TDRD6: variants seen among roughly 807,000 people sequenced by gnomAD.
TDRD6 encodes the protein tudor domain containing 6.
In TDRD6, 186 loss-of-function variants were observed where a neutral mutation model predicts 157.5. The ratio of observed to expected loss-of-function variants is 1.18; its 90% CI spans 1.05 to 1.33. The LOEUF (loss-of-function observed/expected upper bound fraction) is 1.33. Among genes scored for constraint, TDRD6 ranks in the 40% most tolerant of loss-of-function variants. The pLI is 0.00. For synonymous variants in TDRD6, 1,075 were observed against 945.2 expected, an observed-to-expected ratio of 1.14 and a Z score of -2.52; for missense variants, 3,066 against 2,508.0, an observed-to-expected ratio of 1.22 and a Z score of -4.75.
chr6:46,681,593 A>G, the TDRD6 span: 1 of 470,668 alleles, frequency 2.1e-6, no homozygotes, highest in African/African-American at 2.0e-5. Flanking sequence ...GAAGATGCTT[A>G]AAGATGTCTG....
At chr6:46,685,164 G>A (rs796660279), upstream of TDRD6, among the ~76,000 whole-genome samples, 2 of 151,800 alleles carry the variant, frequency 1.3e-5, no homozygotes, top group East Asian at 1.9e-4. Flanking sequence ...TTCGAGAGTC[G>A]TTTATCTATT....
intron 2 of TDRD6, among the ~76,000 whole-genome samples, chr6:46,696,603 T>A (rs867960384): frequency 8.9e-3 from 168 of 18,894 alleles, no homozygotes; most frequent in East Asian, 0.022. Flanking sequence ...ATATATATAT[T>A]TTTTTTTTTT....
In TDRD6 at chr6:46,693,689, T is replaced by C. The variant is rs527880479; in HGVS notation, c.5561T>C (p.Ile1854Thr). 2.5e-6 allele frequency: 4 copies of C among 1,614,194 alleles called. No individual in the cohort carries two copies. The highest frequency in any genetic ancestry group is 4.5e-5 in the East Asian group (2 of 44,882). The change falls in exon 1 of 4, where the codon ATT (isoleucine) becomes ACT (threonine). Residue 1854 changes from isoleucine (I) to threonine (T), a missense_variant. By Grantham distance (89) the Ile-to-Thr change is moderately conservative (BLOSUM62 -1). Coordinates refer to ENST00000316081, the MANE Select transcript of TDRD6 (RefSeq NM_001010870.3). ...ESKEFLELESIELQNSLVVDE... is the reference protein window; with the variant it reads ...ESKEFLELESTELQNSLVVDE... ...AAAGAATTCTTAGAACTGGAATCTATTGAGTTACAGAATTCTCTGGTGGTG... is the reference window on the plus strand; with the variant it reads ...AAAGAATTCTTAGAACTGGAATCTACTGAGTTACAGAATTCTCTGGTGGTG...
Position 46,687,951 on chromosome 6 carries a change from C to A in TDRD6, c.-178C>A. On this transcript the variant is annotated 5_prime_UTR_variant, in exon 1 of 4. Coordinates refer to ENST00000316081, the MANE Select transcript of TDRD6 (RefSeq NM_001010870.3). ...GGTCTTACCAGTCCGTGGCGGGAGT[C>A]CCGGAGGACCCTCGACGGGGGAGTT... 2.0e-6 allele frequency: 2 copies of A among 1,022,256 alleles called. No individual in the cohort carries two copies. The highest frequency in any genetic ancestry group is 2.7e-6 in the Non-Finnish European group (2 of 752,650). The allele number at this position is 1,022,256 out of a possible 1,614,324, so 63.3% of individuals were successfully genotyped here.
At chr6:46,701,024 A>G (rs781503608) in intron 3 of TDRD6, 5 of 464,656 alleles carry the variant, frequency 1.1e-5, no homozygotes, top group South Asian at 8.1e-5. Flanking sequence ...GTAGGGAAAG[A>G]TCTTTACTTC....
upstream of TDRD6, among the ~76,000 whole-genome samples, chr6:46,683,794 G>A (rs1764018650): frequency 6.6e-6 from 1 of 151,918 alleles, no homozygotes; most frequent in South Asian, 2.1e-4. Flanking sequence ...TTTAAGTATA[G>A]TTCCATTTTT....
intron 3 of TDRD6, among the ~76,000 whole-genome samples, chr6:46,698,461 T>A (rs1023119121): frequency 4.6e-5 from 7 of 152,236 alleles, no homozygotes; most frequent in Non-Finnish European, 1.0e-4. Context: ...ATAATTTTTC[T>A]GTTTATATGT....
Position 46,703,687 on chromosome 6 carries a change from C to T in TDRD6, c.*1800C>T, listed in dbSNP as rs894968290. On this transcript the variant is annotated 3_prime_UTR_variant, in exon 4 of 4. Transcript: ENST00000316081. ...AGCTATATTTTTACCTCCATTTAAT[C>T]GTGTTATTCTGTTTTACTACTACAT... The T allele has an allele frequency of 2.6e-5, 4 of 152,062 alleles. No homozygotes were observed. Among genetic ancestry groups the T allele is most frequent in the East Asian group, 1.9e-4 (1 of 5,184 alleles). The allele number at this position is 152,062 out of a possible 1,614,324, so 9.4% of individuals were successfully genotyped here. A position where few individuals can be genotyped will look rare whatever the true frequency, so the allele number is the denominator to read the frequency against.
Position 46,691,711 on chromosome 6 carries a change from T to G in TDRD6, c.3583T>G (p.Leu1195Val), listed in dbSNP as rs145114649. 51 of 1,607,348 alleles carry G rather than the reference T, an allele frequency of 3.2e-5. No homozygotes were observed. Among genetic ancestry groups the G allele is most frequent in the Non-Finnish European group, 4.0e-5 (47 of 1,178,322 alleles). The stretch of plus-strand genomic sequence containing the variant: ...TATGAAGTTGCCATGTACAGAGTAT[T>G]TAAGTAAATCAGTAGGGTACAAGTT... The part of the protein sequence containing the change: ...ENMKLPCTEY[L>V]SKSVGYKLPN... Residue 1195 changes from leucine (L) to valine (V), a missense_variant, in exon 1 of 4, where the codon TTA becomes GTA. By Grantham distance (32) the Leu-to-Val change is conservative. Coordinates refer to ENST00000316081, the MANE Select transcript of TDRD6 (RefSeq NM_001010870.3).
At position 46,690,774 on chromosome 6, in the gene TDRD6, C is replaced by T. The variant is rs140368744; in HGVS notation, c.2646C>T (p.Cys882=). The stretch of plus-strand genomic sequence containing the variant: ...AGGTTAAGGCACAGGCTTTTAGGTG[C>T]AGTCTTTATAATTTAATTCAACCAG... ...FLKVKAQAFR[C]SLYNLIQPVG... Residue 882 remains cysteine (C), a synonymous_variant, in exon 1 of 4, where the codon TGC becomes TGT. Transcript: ENST00000316081. 49 of 1,613,986 alleles carry T rather than the reference C, an allele frequency of 3.0e-5. No homozygotes were observed. The highest frequency in any genetic ancestry group is 1.9e-4 in the South Asian group (17 of 91,090).
Position 46,692,470 on chromosome 6 carries a change from A to C in TDRD6, c.4342A>C (p.Arg1448=). Residue 1448 remains arginine, a synonymous_variant, in exon 1 of 4, where the codon AGA becomes CGA. Coordinates refer to ENST00000316081, the MANE Select transcript of TDRD6 (RefSeq NM_001010870.3). ...CCAACGGACCAGCGAGGCTGCAATA[A>C]GATGTGAATTTGTTAAATTTCAAGA... The part of the protein sequence containing the change: ...FSQRTSEAAI[R]CEFVKFQDRW... 5.6e-6 allele frequency: 9 copies of C among 1,613,972 alleles called. No individual in the cohort carries two copies. Among genetic ancestry groups the C allele is most frequent in the Non-Finnish European group, 7.6e-6 (9 of 1,180,008 alleles).
rs1297640286 is a variant in TDRD6 at position 46,690,766 on chromosome 6, T to C, written c.2638T>C (p.Phe880Leu). 3 of 1,614,158 alleles carry C rather than the reference T, an allele frequency of 1.9e-6. No homozygotes were observed. The highest frequency in any genetic ancestry group is 2.5e-6 in the Non-Finnish European group (3 of 1,180,012). The change falls in exon 1 of 4, where the codon TTT becomes CTT. Residue 880 changes from phenylalanine to leucine, a missense_variant. Phe to Leu is a conservative substitution (Grantham distance 22, BLOSUM62 0). Coordinates refer to ENST00000316081, the MANE Select transcript of TDRD6 (RefSeq NM_001010870.3). ...ATTTCTGAAGGTTAAGGCACAGGCT[T>C]TTAGGTGCAGTCTTTATAATTTAAT... ...EEFLKVKAQA[F>L]RCSLYNLIQP... is the part of the protein sequence containing the mutation.
At chr6:46,683,756 A>C (rs1400146979), upstream of TDRD6, among the ~76,000 whole-genome samples, 1 of 152,078 alleles carries the variant, frequency 6.6e-6, no homozygotes, top group Non-Finnish European at 1.5e-5. Flanking sequence ...TGGGTCTTTT[A>C]CCCATATTGG....
chr6:46,700,149 C>G (rs1312806481), intron 3 of TDRD6, among the ~76,000 whole-genome samples: 1 of 152,012 alleles, frequency 6.6e-6, no homozygotes, highest in African/African-American at 2.4e-5. Flanking sequence ...TATGTACATA[C>G]AAGATTCAGT....
chr6:46,688,731 C>G lies in TDRD6; in HGVS notation c.603C>G (p.Pro201=). ...MRELGLARRV[P]DSLFRSLLER... is the part of the protein sequence containing the mutation. ...AGCTGGGCCTGGCTCGGCGGGTGCC[C>G]GACAGCCTCTTCCGTTCGCTGCTGG... The change falls in exon 1 of 4, where the codon CCC becomes CCG. Residue 201 remains proline (P), a synonymous_variant. Coordinates refer to ENST00000316081, the MANE Select transcript of TDRD6 (RefSeq NM_001010870.3). 1 of 1,599,514 alleles carries G rather than the reference C, an allele frequency of 6.3e-7. No individual in the cohort carries two copies. The highest frequency in any genetic ancestry group is 8.5e-7 in the Non-Finnish European group (1 of 1,178,930).
rs774382406 is a variant in TDRD6, at chr6:46,695,911, G to C, written c.6137G>C (p.Cys2046Ser). The C allele has an allele frequency of 1.2e-6, 2 of 1,613,546 alleles. No individual in the cohort carries two copies. Among genetic ancestry groups the C allele is most frequent in the Non-Finnish European group, 1.7e-6 (2 of 1,179,688 alleles). The change falls in exon 2 of 4, where the codon TGT (cysteine) becomes TCT (serine). Residue 2046 changes from cysteine (C) to serine (S), a missense_variant. Cys to Ser is a moderately radical substitution (Grantham distance 112). Coordinates refer to ENST00000316081, the MANE Select transcript of TDRD6 (RefSeq NM_001010870.3). ...WSSLRNTWSK[C>S]EILETAEEGT... ...AGTCTAAGAAACACATGGTCTAAAT[G>C]TGAGATTTTAGAAACAGCTGAAGAA...
At position 46,692,974 on chromosome 6, in the gene TDRD6, G is replaced by A. The variant is rs1346230705; in HGVS notation, c.4846G>A (p.Ala1616Thr). ...CATTGAAGACTGTGTGGACCCAAAA[G>A]CACTCTGGGCCATTCCTTCTGAACT... The part of the protein sequence containing the change: ...GNIEDCVDPK[A>T]LWAIPSELLS... Residue 1616 changes from alanine (A) to threonine (T), a missense_variant, in exon 1 of 4, where the codon GCA becomes ACA. By Grantham distance (58) the Ala-to-Thr change is moderately conservative. Coordinates refer to ENST00000316081, the MANE Select transcript of TDRD6 (RefSeq NM_001010870.3). 6.2e-7 allele frequency: 1 copy of A among 1,612,802 alleles called. No individual in the cohort carries two copies. The highest frequency in any genetic ancestry group is 1.7e-5 in the Admixed American group (1 of 59,914).
chr6:46,692,371 T>G lies in TDRD6; in HGVS notation c.4243T>G (p.Cys1415Gly). 6.2e-7 allele frequency: 1 copy of G among 1,614,206 alleles called. No homozygotes were observed. Among genetic ancestry groups the G allele is most frequent in the Non-Finnish European group, 8.5e-7 (1 of 1,180,032 alleles). ...TGTTAATGCAATATTGCCGGGGTTG[T>G]GCATTCATTGCTCCTTGCAGGGATT... ...DLVNAILPGL[C>G]IHCSLQGFEV... Residue 1415 changes from cysteine (C) to glycine (G), a missense_variant, in exon 1 of 4, where the codon TGC becomes GGC. Transcript: ENST00000316081.
At chr6:46,699,161 A>G (rs765670090) in intron 3 of TDRD6, among the ~76,000 whole-genome samples, 13 of 151,926 alleles carry the variant, frequency 8.6e-5, no homozygotes, top group Non-Finnish European at 1.8e-4. Flanking sequence ...TGTCCTCCAC[A>G]TTTTCTGGCT....
Sources: allele counts gnomAD v4.1 joint callset (sites outside exome capture counted in the v4.1 genomes callset), GRCh38; gene constraint gnomAD v4.1.1; transcripts MANE v1.5; gene names NCBI Gene and HGNC (gene_info 2026-07-23, HGNC 2026-07-21).